Variants in PADI6 observed in about 807,000 individuals in gnomAD.
PADI6 encodes the protein peptidyl arginine deiminase 6.
A neutral mutation model predicts 78.2 loss-of-function variants in PADI6; 66 were observed. That is an observed-to-expected ratio of 0.84 (90% CI 0.69 to 1.04). The LOEUF (loss-of-function observed/expected upper bound fraction) is 1.04. Ranked by LOEUF, PADI6 falls within the 50% of genes least tolerant of loss-of-function variation. The probability of loss-of-function intolerance (pLI) is 0.00; values close to 1 mark genes in which losing one functional copy is unlikely to be tolerated. For synonymous variants in PADI6, 397 were observed against 346.9 expected (o/e 1.14, Z -1.60); for missense variants, 854 against 866.1 (o/e 0.99, Z 0.18).
chr1:17,394,718 T>A (rs1454354060), intron 11 of PADI6, among the ~76,000 whole-genome samples: 1 of 152,212 alleles, frequency 6.6e-6, no homozygotes, highest in Non-Finnish European at 1.5e-5. Flanking sequence ...GATTTCTTGG[T>A]GGCCATAAAT....
At chr1:17,376,362 C>T (rs1050584065) in intron 3 of PADI6, among the ~76,000 whole-genome samples, 17 of 150,382 alleles carry the variant, frequency 1.1e-4, no homozygotes, top group South Asian at 4.2e-4. Flanking sequence ...TGCAGTGGCG[C>T]GATCTTGGCT....
At chr1:17,396,560 C>T (rs753930610) in intron 13 of PADI6, among the ~76,000 whole-genome samples, 47 of 152,172 alleles carry the variant, frequency 3.1e-4, no homozygotes, top group African/African-American at 9.6e-4. Context: ...GGTTGGGGCC[C>T]GGGAACTCCT....
At position 17,391,846 on chromosome 1, in the gene PADI6, A is replaced by G. The variant is rs569021077; in HGVS notation, c.963-268A>G. On this transcript the variant is annotated intron_variant, in intron 8 of 15. Transcript: ENST00000619609. Reference sequence around the variant, plus strand: ...GAATGTGACCGAAGGGTATAAACAGAGCAGGCCTTGGCTACCAGGGAAGGG... The same window carrying G: ...GAATGTGACCGAAGGGTATAAACAGGGCAGGCCTTGGCTACCAGGGAAGGG... Among the ~76,000 whole-genome samples, 8 of 152,338 alleles carry G rather than the reference A, an allele frequency of 5.3e-5. No homozygotes were observed. The South Asian group carries it at 1.7e-3, about 32-fold the overall frequency.
At chr1:17,390,880 G>A (rs1395008401) in intron 8 of PADI6, among the ~76,000 whole-genome samples, 1 of 152,204 alleles carries the variant, frequency 6.6e-6, no homozygotes, top group Non-Finnish European at 1.5e-5. Flanking sequence ...CTTCCATACA[G>A]TGTGATATTC....
chr1:17,374,624 C>G (rs998520071), intron 2 of PADI6, among the ~76,000 whole-genome samples: 1 of 150,932 alleles, frequency 6.6e-6, no homozygotes, highest in African/African-American at 2.5e-5. Flanking sequence ...AAAACTCCAT[C>G]GCAAAAAAAG....
In PADI6 at chr1:17,377,521, T is replaced by C. The variant is rs145204283; in HGVS notation, c.367+2022T>C. On this transcript the variant is annotated intron_variant, in intron 3 of 15. Transcript: ENST00000619609. ...CTTGGATATTGCCTACCCAGCATGA[T>C]CGCTTCGGTGTCTGACAGATGTCTG... is the stretch of plus-strand genomic sequence containing the variant. 3.7e-3 allele frequency among the ~76,000 whole-genome samples: 563 copies of C among 152,314 alleles called. 2 individuals are homozygous for C. The highest frequency in any genetic ancestry group is 6.0e-3 in the Non-Finnish European group (411 of 68,028).
chr1:17,392,418 G>A (rs976219306), intron 9 of PADI6, among the ~76,000 whole-genome samples, 193 bp downstream of exon 9: 3 of 152,196 alleles, frequency 2.0e-5, no homozygotes, highest in African/African-American at 7.2e-5. Flanking sequence ...GGAATAGTTA[G>A]AGTCCAGCCT....
At chr1:17,397,245 CG>C (rs529529791) in intron 14 of PADI6, 104 bp downstream of exon 14, 9 of 1,240,534 alleles carry the variant, frequency 7.3e-6, no homozygotes, top group Non-Finnish European at 9.2e-6. Flanking sequence ...TGTTGGGCGG[CG>C]GGGGGCAGCT....
chr1:17,389,837 C>A (rs569960869), intron 8 of PADI6, among the ~76,000 whole-genome samples: 7 of 152,164 alleles, frequency 4.6e-5, no homozygotes, highest in Non-Finnish European at 8.8e-5. Flanking sequence ...GGGATTGGTC[C>A]GCAGGTAGGA....
chr1:17,378,964 G>A (rs1487684427), intron 3 of PADI6, among the ~76,000 whole-genome samples: 1 of 140,436 alleles, frequency 7.1e-6, no homozygotes, highest in Non-Finnish European at 1.6e-5. Flanking sequence ...TTGGGGGGGG[G>A]GACAGAATCT....
At position 17,398,654 on chromosome 1, in the gene PADI6, G is replaced by GCCCCCCCCCCCCCC; in HGVS notation, c.1690-21_1690-20insCCCCCCCCCCCCCC. On this transcript the variant is annotated intron_variant, in intron 14 of 15. Coordinates refer to ENST00000619609, the MANE Select transcript of PADI6 (RefSeq NM_207421.4). The stretch of plus-strand genomic sequence containing the variant: ...CCTGATGAGCTCTCCTTGCTCCCCC[G>GCCCCCCCCCCCCCC]CCCCCCCCCCCACCCACCCACCCAC... 26 of 173,474 alleles carry GCCCCCCCCCCCCCC rather than the reference G, an allele frequency of 1.5e-4. 2 individuals carry two copies. The highest frequency in any genetic ancestry group is 5.1e-4 in the South Asian group (10 of 19,736). 10.7% of individuals were successfully genotyped at this position (173,474 alleles called of 1,614,324 possible).
chr1:17,386,176 TCC>T (rs1368960228), intron 6 of PADI6, among the ~76,000 whole-genome samples: 1 of 152,048 alleles, frequency 6.6e-6, no homozygotes, highest in East Asian at 1.9e-4. Context: ...GCTTCTGGCC[TCC>T]CCCATGCTTC....
chr1:17,401,121 T>TCTGA, intron 15 of PADI6, 84 bp from the exon 16 acceptor site: 1 of 1,318,198 alleles, frequency 7.6e-7, no homozygotes, highest in Non-Finnish European at 1.1e-6. Flanking sequence ...CTACGCCTGG[T>TCTGA]CTGACCGCAG....
chr1:17,392,451 C>T (rs1409887204), intron 9 of PADI6, among the ~76,000 whole-genome samples: 2 of 152,216 alleles, frequency 1.3e-5, no homozygotes, highest in Admixed American at 6.5e-5. Context: ...AGAATGGACA[C>T]GTGTTCAAGA....
In PADI6 at chr1:17,379,968, C is replaced by T; in HGVS notation, c.416C>T (p.Ser139Leu). The change falls in exon 4 of 16, where the codon TCA becomes TTA. Residue 139 changes from serine (S) to leucine (L), a missense_variant. Coordinates refer to ENST00000619609, the MANE Select transcript of PADI6 (RefSeq NM_207421.4). The stretch of plus-strand genomic sequence containing the variant: ...TACCGCAATGGGCAAGTTGAGATGT[C>T]AAGTGACAAACAGGCTAAGGTGAGT... Reference protein sequence around the residue: ...DIYRNGQVEMSSDKQAKKKWI... With the variant: ...DIYRNGQVEMLSDKQAKKKWI... The T allele has an allele frequency of 6.2e-7, 1 of 1,613,466 alleles. No homozygotes were observed. The highest frequency in any genetic ancestry group is 8.5e-7 in the Non-Finnish European group (1 of 1,179,582).
intron 6 of PADI6, among the ~76,000 whole-genome samples, chr1:17,383,429 G>T (rs575703472): frequency 1.2e-4 from 19 of 152,382 alleles, no homozygotes; most frequent in Admixed American, 1.2e-3. Context: ...GCCCTGGGAG[G>T]CTACCAGTGC....
rs774017113 is a variant in PADI6 at position 17,392,220 on chromosome 1, C to A, written c.1069C>A (p.Leu357Ile). The change falls in exon 9 of 16, where the codon CTC (leucine) becomes ATC (isoleucine). Residue 357 changes from leucine (L) to isoleucine (I), a missense_variant. By Grantham distance (5) the Leu-to-Ile change is conservative. Transcript: ENST00000619609. ...YEDPNRLGRW[L>I]QDEMAFCYTQ... ...GGACCCCAACCGCCTGGGCAGGTGG[C>A]TCCAGGTAACACCCCACCTGGGAAC... 82 of 1,553,004 alleles carry A rather than the reference C, an allele frequency of 5.3e-5. No individual in the cohort carries two copies. In the Admixed American group the frequency reaches 7.4e-4, roughly 14 times the overall value.
chr1:17,394,571 C>CT (rs770433110), intron 11 of PADI6, 117 bp downstream of exon 11: 77 of 1,146,120 alleles, frequency 6.7e-5, no homozygotes, highest in Non-Finnish European at 8.6e-5. Flanking sequence ...ATTTCTTAAA[C>CT]TGAAGACATT....
Position 17,398,696 on chromosome 1 carries a change from A to T in PADI6, c.1700A>T (p.His567Leu). Residue 567 changes from histidine to leucine, a missense_variant, in exon 15 of 16, where the codon CAC becomes CTC. His to Leu is a moderately conservative substitution (Grantham distance 99). Coordinates refer to ENST00000619609, the MANE Select transcript of PADI6 (RefSeq NM_207421.4). ...CCCACCCACCCACAGAAGTGCATTC[A>T]CCTGAACCGTGACATCCTGAAGACG... ...KQNEYVEKCI[H>L]LNRDILKTEL... The T allele has an allele frequency of 1.2e-6, 1 of 812,466 alleles. No individual in the cohort carries two copies. Among genetic ancestry groups the T allele is most frequent in the East Asian group, 9.4e-5 (1 of 10,636 alleles). 50.3% of individuals were successfully genotyped at this position (812,466 alleles called of 1,614,324 possible).
Sources: allele counts gnomAD v4.1 joint callset (sites outside exome capture counted in the v4.1 genomes callset), GRCh38; gene constraint gnomAD v4.1.1; transcripts MANE v1.5; gene names NCBI Gene and HGNC (gene_info 2026-07-23, HGNC 2026-07-21).